MYOF: variants seen among roughly 807,000 people sequenced by gnomAD.
MYOF encodes the protein myoferlin, also known as fer-1-like 3, myoferlin.
Under a neutral mutation model 284.2 loss-of-function variants are expected in MYOF, and 244 were observed. The ratio of observed to expected loss-of-function variants is 0.86; its 90% CI spans 0.77 to 0.95. The LOEUF (loss-of-function observed/expected upper bound fraction) is 0.95. MYOF is among the 40% of genes least tolerant of loss of function. MYOF has a pLI of 0.00. For missense variants in MYOF, 2,496 were observed against 2,560.6 expected (o/e 0.97, Z 0.54); for synonymous variants, 904 against 919.7 (o/e 0.98, Z 0.31).
intron 4 of MYOF, among the ~76,000 whole-genome samples, chr10:93,429,940 T>A (rs769695799): frequency 9.2e-6 from 1 of 108,582 alleles, no homozygotes; most frequent in Admixed American, 9.1e-5. Context: ...ATTTTTTTAA[T>A]TTTTTTTTTT....
intron 1 of MYOF, among the ~76,000 whole-genome samples, chr10:93,466,250 T>C (rs2057006633): frequency 6.6e-6 from 1 of 152,188 alleles, no homozygotes; most frequent in African/African-American, 2.4e-5. Flanking sequence ...AGGAAGATGC[T>C]GCCAAACAGG....
In MYOF at chr10:93,379,889, T is replaced by C. The variant is rs776523451; in HGVS notation, c.1975A>G (p.Thr659Ala). The change falls in exon 21 of 54, where the codon ACT (threonine) becomes GCT (alanine). Residue 659 changes from threonine to alanine, a missense_variant. By Grantham distance (58) the Thr-to-Ala change is moderately conservative. This residue lies in a region of MYOF where 2,436 missense variants were observed against 2,480.7 expected (regional missense o/e 0.98). Coordinates refer to ENST00000359263, the MANE Select transcript of MYOF (RefSeq NM_013451.4). ...AGCCGTTCTGCCATAGCTAGGAGAG[T>C]GTTCACCGCATCCAGGCGATGACTA... Reference protein sequence around the residue: ...DISHRLDAVNTLLAMAERLQT... With the variant: ...DISHRLDAVNALLAMAERLQT... The C allele has an allele frequency of 1.9e-6, 3 of 1,613,556 alleles. No homozygotes were observed. The highest frequency in any genetic ancestry group is 2.2e-5 in the East Asian group (1 of 44,864).
At chr10:93,438,392 G>GT (rs1402940584) in intron 3 of MYOF, among the ~76,000 whole-genome samples, 3 of 152,094 alleles carry the variant, frequency 2.0e-5, no homozygotes, top group Non-Finnish European at 4.4e-5. Context: ...GCAGCAGCTC[G>GT]TATCACAGGA....
chr10:93,408,537 C>CA (rs530847314), intron 7 of MYOF, among the ~76,000 whole-genome samples: 5,296 of 130,020 alleles, frequency 0.041, 144 homozygotes, highest in African/African-American at 0.089. Context: ...AATTCCATCT[C>CA]AAAAAAAAAA....
intron 43 of MYOF, among the ~76,000 whole-genome samples, chr10:93,330,561 T>C (rs778883671): frequency 1.2e-4 from 18 of 152,216 alleles, no homozygotes; most frequent in Admixed American, 2.0e-4. Context: ...GCTCCAGTTC[T>C]TTAAGGCTTT....
chr10:93,374,064 A>G (rs1845723155), intron 23 of MYOF, among the ~76,000 whole-genome samples: 3 of 152,060 alleles, frequency 2.0e-5, no homozygotes, highest in Admixed American at 2.0e-4. Context: ...CCCTGTGTCC[A>G]AATGTTCTCA....
intron 1 of MYOF, among the ~76,000 whole-genome samples, chr10:93,469,528 G>C (rs2057089734): frequency 6.6e-6 from 1 of 152,194 alleles, no homozygotes; most frequent in African/African-American, 2.4e-5. Context: ...GAGGGAATTT[G>C]GGGCCCCAGA....
chr10:93,452,171 A>G (rs768295531), intron 2 of MYOF, 30 bp from the exon 3 acceptor site: 27 of 1,435,088 alleles, frequency 1.9e-5, no homozygotes, highest in African/African-American at 4.3e-5. Context: ...GAAAAAAGAG[A>G]AAAAAAAAGG....
chr10:93,392,241 C>T (rs1452073294), intron 17 of MYOF, among the ~76,000 whole-genome samples: 1 of 152,196 alleles, frequency 6.6e-6, no homozygotes, highest in Admixed American at 6.5e-5. Flanking sequence ...AGCTTTCCCA[C>T]ATGCAATATC....
intron 48 of MYOF, among the ~76,000 whole-genome samples, chr10:93,320,665 T>C (rs553691752): frequency 5.9e-5 from 9 of 152,236 alleles, no homozygotes; most frequent in East Asian, 3.9e-4. Context: ...AGACACTAGA[T>C]AAATACCTAC....
chr10:93,326,734 C>T lies in MYOF; in HGVS notation c.5132-769G>A, dbSNP rs759842842. 3.3e-5 allele frequency among the ~76,000 whole-genome samples: 5 copies of T among 152,216 alleles called. No individual in the cohort carries two copies. In the South Asian group the frequency reaches 8.3e-4, roughly 25 times the overall value. On this transcript the variant is annotated intron_variant, in intron 45 of 53. Transcript: ENST00000359263. The stretch of plus-strand genomic sequence containing the variant: ...CTGCCTCCTGGGTTCAAGCGATTCT[C>T]GTGCCTCAGCCTCCCGAGTAGCTGG...
At chr10:93,401,787 CTGTGCGTGTGTGTGTGTGTGTG>C (rs1564687643) in intron 11 of MYOF, among the ~76,000 whole-genome samples, 1 of 83,480 alleles carries the variant, frequency 1.2e-5, no homozygotes, top group African/African-American at 4.1e-5. Flanking sequence ...TAGTAAGAGC[CTGTGCGTGTGTGTGTGTGTGTG>C]TGTGTGTGTG....
At chr10:93,448,199 C>T (rs1263841416) in intron 3 of MYOF, among the ~76,000 whole-genome samples, 2 of 151,706 alleles carry the variant, frequency 1.3e-5, no homozygotes, top group Admixed American at 6.6e-5. Flanking sequence ...ATATTCTTCC[C>T]CCCTACTCCC....
At position 93,406,570 on chromosome 10, in the gene MYOF, C is replaced by CCG. The variant is rs1554855728; in HGVS notation, c.729+2216_729+2217insCG. Among the ~76,000 whole-genome samples, 6 of 150,224 alleles carry CCG rather than the reference C, an allele frequency of 4.0e-5. 1 individual carries two copies. In the South Asian group the frequency reaches 6.3e-4, roughly 16 times the overall value. On this transcript the variant is annotated intron_variant, in intron 7 of 53. Coordinates refer to ENST00000359263, the MANE Select transcript of MYOF (RefSeq NM_013451.4). The stretch of plus-strand genomic sequence containing the variant: ...ATCCAGCATCTTGCCTCCTCCCCAC[C>CCG]CATCCAGTCTTGCCCTCCAACGTGA...
intron 19 of MYOF, among the ~76,000 whole-genome samples, chr10:93,384,547 G>C (rs1468587699): frequency 6.6e-6 from 1 of 152,014 alleles, no homozygotes; most frequent in Non-Finnish European, 1.5e-5. Context: ...AGGAGGCTGA[G>C]GCAAGAGAAT....
intron 3 of MYOF, among the ~76,000 whole-genome samples, chr10:93,439,947 T>C (rs2056192395): frequency 6.6e-6 from 1 of 152,192 alleles, no homozygotes; most frequent in African/African-American, 2.4e-5. Context: ...TTATCTTACC[T>C]ACATTAAATA....
chr10:93,426,229 G>T lies in MYOF; in HGVS notation c.346-71C>A, dbSNP rs1296083005. 5.5e-6 allele frequency: 8 copies of T among 1,459,468 alleles called. No individual in the cohort carries two copies. The East Asian group carries it at 1.7e-4, about 32-fold the overall frequency. The allele number at this position is 1,459,468 out of a possible 1,614,324, so 90.4% of individuals were successfully genotyped here. ...AGCATGTTATAGACTCAATGCAAGT[G>T]ACTTCAGCAGGAGCCAAAGTCTTGG... is the stretch of plus-strand genomic sequence containing the variant. On this transcript the variant is annotated intron_variant, in intron 4 of 53. Transcript: ENST00000359263.
At chr10:93,455,161 T>C (rs1162381856) in intron 2 of MYOF, among the ~76,000 whole-genome samples, 2 of 151,732 alleles carry the variant, frequency 1.3e-5, no homozygotes, top group Non-Finnish European at 2.9e-5. Context: ...TGGTGGCACA[T>C]GCCTGTAATC....
At chr10:93,340,473 C>T (rs534912988) in intron 38 of MYOF, among the ~76,000 whole-genome samples, 1 of 152,296 alleles carries the variant, frequency 6.6e-6, no homozygotes, top group Non-Finnish European at 1.5e-5. Flanking sequence ...TGGAGTTAGA[C>T]ATTTCCCAGT....
Sources: gnomAD v4.1 joint callset for allele counts (sites outside exome capture counted in the v4.1 genomes callset) on GRCh38, gnomAD v4.1.1 for gene constraint, gnomAD v4.1.1 regional missense constraint, MANE v1.5 for transcripts, NCBI Gene and HGNC (gene_info 2026-07-23, HGNC 2026-07-21) for gene names.